The following SGCZ variants were observed in gnomAD, a reference collection of about 807,000 sequenced individuals.
SGCZ encodes zeta-sarcoglycan.
In SGCZ, 40 loss-of-function variants were observed where a neutral mutation model predicts 41.3. That is an observed-to-expected ratio of 0.97 (90% CI 0.75 to 1.26). The LOEUF (loss-of-function observed/expected upper bound fraction) is 1.26, where lower values mean the gene tolerates loss of function less well. SGCZ is among the 50% of genes most tolerant of loss of function. The pLI, the probability that SGCZ is intolerant of heterozygous loss-of-function variation, is 0.00. For missense variants in SGCZ, 552 were observed against 369.8 expected (o/e 1.49, Z -4.04); for synonymous variants, 206 against 137.5 (o/e 1.50, Z -3.49).
At chr8:14,166,131 C>T (rs1441894050) in intron 4 of SGCZ, among the ~76,000 whole-genome samples, 1 of 152,022 alleles carries the variant, frequency 6.6e-6, no homozygotes, top group East Asian at 1.9e-4. Context: ...TCAACTAGGG[C>T]TATGCTAAGT....
chr8:14,782,687 A>C (rs1474545412), intron 1 of SGCZ, among the ~76,000 whole-genome samples: 1 of 152,196 alleles, frequency 6.6e-6, no homozygotes, highest in African/African-American at 2.4e-5. Flanking sequence ...GTTATAGAAA[A>C]AAAATTATTA....
At chr8:14,894,014 G>C (rs370643354) in intron 1 of SGCZ, among the ~76,000 whole-genome samples, 1 of 152,138 alleles carries the variant, frequency 6.6e-6, no homozygotes, top group South Asian at 2.1e-4. Context: ...AAAATGACTG[G>C]TGAATGGCTT....
intron 1 of SGCZ, among the ~76,000 whole-genome samples, chr8:15,122,625 A>G (rs892773074): frequency 2.0e-5 from 3 of 152,324 alleles, no homozygotes; most frequent in South Asian, 2.1e-4. Context: ...AATGCCCAGC[A>G]TGAGCCCCTC....
intron 1 of SGCZ, among the ~76,000 whole-genome samples, chr8:14,923,668 A>C (rs953910209): frequency 6.6e-6 from 1 of 152,246 alleles, no homozygotes; most frequent in Non-Finnish European, 1.5e-5. Flanking sequence ...ATAAAGTTGC[A>C]TGGAATTTAT....
At chr8:15,067,146 A>T (rs965124414) in intron 1 of SGCZ, among the ~76,000 whole-genome samples, 1 of 152,172 alleles carries the variant, frequency 6.6e-6, no homozygotes, top group Non-Finnish European at 1.5e-5. Flanking sequence ...TAAAATTTCC[A>T]ATTTTGTATA....
At chr8:14,136,683 G>A (rs955815289) in intron 5 of SGCZ, among the ~76,000 whole-genome samples, 1 of 152,158 alleles carries the variant, frequency 6.6e-6, no homozygotes, top group Admixed American at 6.5e-5. Context: ...ACAGCTCAAT[G>A]AGGCCTGCCT....
intron 1 of SGCZ, among the ~76,000 whole-genome samples, chr8:14,806,821 A>G (rs1334901801): frequency 6.6e-6 from 1 of 151,962 alleles, no homozygotes; most frequent in African/African-American, 2.4e-5. Context: ...ACATTGATGC[A>G]AAAATCCTCA....
At chr8:14,453,709 G>A (rs1403426673) in intron 2 of SGCZ, among the ~76,000 whole-genome samples, 2 of 152,122 alleles carry the variant, frequency 1.3e-5, no homozygotes, top group East Asian at 3.9e-4. Flanking sequence ...TTTTCAGTTT[G>A]GGCAAAAGCG....
chr8:14,405,851 T>A (rs1464511344), intron 2 of SGCZ, among the ~76,000 whole-genome samples: 1 of 149,998 alleles, frequency 6.7e-6, no homozygotes, highest in African/African-American at 2.5e-5. Flanking sequence ...TAGAATAATA[T>A]CTTAGTCATT....
At chr8:14,819,131 T>TAA (rs57311975) in intron 1 of SGCZ, among the ~76,000 whole-genome samples, 4,111 of 144,368 alleles carry the variant, frequency 0.028, 163 homozygotes, top group African/African-American at 0.088. Context: ...GACAGAATTC[T>TAA]AAAAAAAAAA....
intron 1 of SGCZ, chr8:14,879,292 C>A: frequency 6.6e-6 from 1 of 152,206 alleles, no homozygotes; most frequent in Non-Finnish European, 1.5e-5. Context: ...TATGCCACCT[C>A]ACTCCAGCCT....
intron 1 of SGCZ, among the ~76,000 whole-genome samples, chr8:15,109,425 A>G (rs1806959794): frequency 6.6e-6 from 1 of 152,132 alleles, no homozygotes; most frequent in Non-Finnish European, 1.5e-5. Context: ...AGCATACAGG[A>G]AAAAATGTTT....
chr8:14,848,556 G>A (rs558779875), intron 1 of SGCZ, among the ~76,000 whole-genome samples: 59 of 152,238 alleles, frequency 3.9e-4, no homozygotes, highest in Admixed American at 2.0e-3. Context: ...ACCCACACAC[G>A]TATGGAAATT....
intron 1 of SGCZ, among the ~76,000 whole-genome samples, chr8:14,821,042 G>A (rs1489576363): frequency 6.6e-6 from 1 of 151,706 alleles, no homozygotes. Context: ...AAAACAATTG[G>A]TTTGTAAAAG....
intron 1 of SGCZ, among the ~76,000 whole-genome samples, chr8:14,675,016 G>C (rs909640536): frequency 7.8e-6 from 1 of 128,412 alleles, no homozygotes; most frequent in Non-Finnish European, 1.6e-5. Context: ...CCAGCTCACT[G>C]CAAGCTCTGC....
intron 3 of SGCZ, among the ~76,000 whole-genome samples, chr8:14,249,276 C>A (rs566805649): frequency 5.3e-4 from 81 of 152,276 alleles, no homozygotes; most frequent in African/African-American, 1.9e-3. Flanking sequence ...GTGGAACTTA[C>A]ACCATTGGCG....
intron 1 of SGCZ, among the ~76,000 whole-genome samples, chr8:14,808,793 T>C (rs368650661): frequency 1.4e-4 from 22 of 151,874 alleles, no homozygotes; most frequent in East Asian, 7.7e-4. Flanking sequence ...ATGTTTATTG[T>C]GGCACTATTC....
At chr8:14,600,359 G>A (rs953887352) in intron 1 of SGCZ, among the ~76,000 whole-genome samples, 2 of 152,072 alleles carry the variant, frequency 1.3e-5, no homozygotes, top group Non-Finnish European at 2.9e-5. Flanking sequence ...ATATTCCTCT[G>A]AAATCTGGGA....
chr8:14,600,447 G>C (rs28712813), intron 1 of SGCZ, among the ~76,000 whole-genome samples: 45,909 of 152,064 alleles, frequency 0.3, 8,307 homozygotes, highest in Non-Finnish European at 0.39. Context: ...ATTCTACACA[G>C]AGGGGAGAGG....
Sources: gnomAD v4.1 joint callset for allele counts (sites outside exome capture counted in the v4.1 genomes callset) on GRCh38, gnomAD v4.1.1 for gene constraint, MANE v1.5 for transcripts, NCBI Gene and HGNC (gene_info 2026-07-23, HGNC 2026-07-21) for gene names.